Variants in SLC22A23 observed in about 807,000 individuals in gnomAD.
The protein encoded by SLC22A23 is ion transporter protein.
SLC22A23 carries 26 observed loss-of-function variants against 61.0 expected under a neutral mutation model. The ratio of observed to expected loss-of-function variants is 0.43; its 90% CI spans 0.31 to 0.59. The LOEUF is 0.59. Ranked by LOEUF, SLC22A23 falls within the 20% of genes least tolerant of loss-of-function variation. The pLI, the probability that SLC22A23 is intolerant of heterozygous loss-of-function variation, is 0.11. For synonymous variants in SLC22A23, 430 were observed against 413.9 expected, an observed-to-expected ratio of 1.04 and a Z score of -0.47; for missense variants, 796 against 934.7, an observed-to-expected ratio of 0.85 and a Z score of 1.94.
chr6:3,275,643 C>T (rs1293059571), intron 9 of SLC22A23, among the ~76,000 whole-genome samples: 1 of 152,180 alleles, frequency 6.6e-6, no homozygotes, highest in Non-Finnish European at 1.5e-5. Context: ...AGTGTAGTGG[C>T]ATGATCTCGG....
At chr6:3,396,061 T>C (rs993461749) in intron 3 of SLC22A23, among the ~76,000 whole-genome samples, 1 of 152,196 alleles carries the variant, frequency 6.6e-6, no homozygotes, top group Non-Finnish European at 1.5e-5. Context: ...CACAGCAGTA[T>C]AAACAGGGCA....
At chr6:3,350,720 A>G (rs1049520077) in intron 3 of SLC22A23, among the ~76,000 whole-genome samples, 12 of 152,248 alleles carry the variant, frequency 7.9e-5, no homozygotes, top group South Asian at 2.1e-4. Context: ...AGTTTCTAAC[A>G]GAAAAATCAG....
Position 3,456,638 on chromosome 6 carries a change from G to T in SLC22A23, c.-79C>A. On this transcript the variant is annotated 5_prime_UTR_variant, in exon 1 of 10. Coordinates refer to ENST00000406686, the MANE Select transcript of SLC22A23 (RefSeq NM_015482.2). This position sits in a 1 kb window ranked among gnomAD's most constrained non-coding sequence, Gnocchi z 7.1. Reference sequence around the variant, plus strand: ...GGGCGCCCCGGGCACAGCGCGCCGGGCCAGGCGCCTGCAGCCGCTGCCGCC... The same window carrying T: ...GGGCGCCCCGGGCACAGCGCGCCGGTCCAGGCGCCTGCAGCCGCTGCCGCC... 1.1e-6 allele frequency: 1 copy of T among 911,082 alleles called. No individual in the cohort carries two copies. Among genetic ancestry groups the T allele is most frequent in the Non-Finnish European group, 1.3e-6 (1 of 764,902 alleles). 56.4% of individuals were successfully genotyped at this position (911,082 alleles called of 1,614,324 possible). A position where few individuals can be genotyped will look rare whatever the true frequency, so the allele number is the denominator to read the frequency against.
At chr6:3,331,156 A>G (rs1229094167) in intron 3 of SLC22A23, among the ~76,000 whole-genome samples, 1 of 152,214 alleles carries the variant, frequency 6.6e-6, no homozygotes, top group Non-Finnish European at 1.5e-5. Flanking sequence ...AAGATCCCAC[A>G]GTTAAGAAAT....
intron 3 of SLC22A23, among the ~76,000 whole-genome samples, chr6:3,355,051 C>T (rs147047343): frequency 3.8e-4 from 58 of 152,072 alleles, no homozygotes; most frequent in African/African-American, 1.3e-3. Flanking sequence ...TTCCTACTAC[C>T]GAGTTTATAA....
intron 3 of SLC22A23, among the ~76,000 whole-genome samples, chr6:3,362,404 C>CAAAAAAAAAACAAA (rs1765518671): frequency 1.9e-5 from 1 of 53,178 alleles, no homozygotes; most frequent in African/African-American, 6.2e-5. Context: ...TTCCGTCTCA[C>CAAAAAAAAAACAAA]AAAAAAAAAA....
chr6:3,369,351 C>G (rs746743957), intron 3 of SLC22A23, among the ~76,000 whole-genome samples: 5 of 152,166 alleles, frequency 3.3e-5, no homozygotes, highest in Non-Finnish European at 7.4e-5. Flanking sequence ...GTAGTAGTAT[C>G]CACATCCACA....
chr6:3,283,208 G>T (rs1444861405), intron 9 of SLC22A23, among the ~76,000 whole-genome samples: 2 of 151,620 alleles, frequency 1.3e-5, no homozygotes, highest in African/African-American at 2.4e-5. Flanking sequence ...AAGGTGGGGG[G>T]ATCACCTGAG....
chr6:3,317,672 C>G lies in SLC22A23; in HGVS notation c.1082+6162G>C, dbSNP rs1380803452. 1.3e-5 allele frequency among the ~76,000 whole-genome samples: 2 copies of G among 152,200 alleles called. No homozygotes were observed. The highest frequency in any genetic ancestry group is 4.8e-5 in the African/African-American group (2 of 41,436). On this transcript the variant is annotated intron_variant, in intron 4 of 9. Coordinates refer to ENST00000406686, the MANE Select transcript of SLC22A23 (RefSeq NM_015482.2). The surrounding 1 kb of genome is among the most constrained non-coding windows in gnomAD (Gnocchi z 4.4). The stretch of plus-strand genomic sequence containing the variant: ...GAGCAAAATGACTAAAGATGCATTT[C>G]TCTTCAGGCATCTGCGTCCATCAGT...
At chr6:3,378,138 C>T (rs1274166524) in intron 3 of SLC22A23, among the ~76,000 whole-genome samples, 2 of 152,238 alleles carry the variant, frequency 1.3e-5, no homozygotes, top group African/African-American at 4.8e-5. Flanking sequence ...CCCGCAACTC[C>T]TCTTTAACAT....
chr6:3,282,370 GC>G (rs1759549855), intron 9 of SLC22A23: 1 of 697,678 alleles, frequency 1.4e-6, no homozygotes, highest in Non-Finnish European at 2.6e-6. Flanking sequence ...ATCATACAAT[GC>G]CTTGGCATTT....
At chr6:3,380,287 C>A (rs17136489) in intron 3 of SLC22A23, among the ~76,000 whole-genome samples, 2,015 of 152,254 alleles carry the variant, frequency 0.013, 47 homozygotes, top group African/African-American at 0.041. Context: ...TGACTATAAC[C>A]CCTCCACTAA....
chr6:3,421,323 T>C (rs1259902732), intron 1 of SLC22A23, among the ~76,000 whole-genome samples: 3 of 152,214 alleles, frequency 2.0e-5, no homozygotes, highest in African/African-American at 4.8e-5. Flanking sequence ...CTTGGAACTT[T>C]ATCTCAAGTA....
At chr6:3,423,891 C>T (rs2127532667) in intron 1 of SLC22A23, among the ~76,000 whole-genome samples, 1 of 152,284 alleles carries the variant, frequency 6.6e-6, no homozygotes, top group African/African-American at 2.4e-5. Context: ...TGCTGGGAGC[C>T]TCAGGGGATC....
Position 3,390,118 on chromosome 6 carries a change from G to A in SLC22A23, c.913+20070C>T, listed in dbSNP as rs967618342. On this transcript the variant is annotated intron_variant, in intron 3 of 9. Transcript: ENST00000406686. The surrounding 1 kb of genome is among the most constrained non-coding windows in gnomAD (Gnocchi z 4.0). ...CCACCATCCGTCCGTGGGCTCATCC[G>A]GAACAGCAACCAGCGGTGAGCCACA... 6.6e-6 allele frequency among the ~76,000 whole-genome samples: 1 copy of A among 152,142 alleles called. No individual in the cohort carries two copies. The highest frequency in any genetic ancestry group is 1.5e-5 in the Non-Finnish European group (1 of 68,024).
chr6:3,325,129 A>G (rs1026977769), intron 3 of SLC22A23, among the ~76,000 whole-genome samples: 25 of 152,210 alleles, frequency 1.6e-4, no homozygotes, highest in Non-Finnish European at 3.5e-4. Context: ...GGGGAAGAAG[A>G]AGAAGAGGAA....
chr6:3,396,625 G>C (rs779240403), intron 3 of SLC22A23, among the ~76,000 whole-genome samples: 25 of 152,144 alleles, frequency 1.6e-4, no homozygotes, highest in Non-Finnish European at 2.8e-4. Flanking sequence ...ATTGAGAGGA[G>C]CACATCAGCA....
chr6:3,344,359 A>G (rs1764306501), intron 3 of SLC22A23, among the ~76,000 whole-genome samples: 1 of 152,242 alleles, frequency 6.6e-6, no homozygotes, highest in African/African-American at 2.4e-5. Flanking sequence ...AGAATACCCA[A>G]AACAGCTTGG....
At chr6:3,294,190 A>G (rs921062765) in intron 5 of SLC22A23, among the ~76,000 whole-genome samples, 1 of 152,158 alleles carries the variant, frequency 6.6e-6, no homozygotes, top group African/African-American at 2.4e-5. Flanking sequence ...TGAAGCTCAG[A>G]TGCAGATGAG....
Sources: allele counts gnomAD v4.1 joint callset (sites outside exome capture counted in the v4.1 genomes callset), GRCh38; gene constraint gnomAD v4.1.1; non-coding constraint Gnocchi (gnomAD v3.1); transcripts MANE v1.5; gene names NCBI Gene and HGNC (gene_info 2026-07-23, HGNC 2026-07-21).